SEMA3E: variants seen among roughly 807,000 people sequenced by gnomAD.
SEMA3E encodes the protein semaphorin 3E.
In SEMA3E, 49 loss-of-function variants were observed where a neutral mutation model predicts 93.6. The observed-to-expected ratio is 0.52, with a 90% CI of 0.42 to 0.66. The LOEUF is 0.66. Ranked by LOEUF, SEMA3E falls within the 30% of genes least tolerant of loss-of-function variation. The probability of loss-of-function intolerance (pLI) is 0.00; values close to 1 mark genes in which losing one functional copy is unlikely to be tolerated. For synonymous variants in SEMA3E, 363 were observed against 330.7 expected, an observed-to-expected ratio of 1.10 and a Z score of -1.06; for missense variants, 906 against 964.8, an observed-to-expected ratio of 0.94 and a Z score of 0.81.
At position 83,544,806 on chromosome 7, in the gene SEMA3E, C is replaced by CA. The variant is rs1357700372; in HGVS notation, c.116-54533dup. Among the ~76,000 whole-genome samples the CA allele has an allele frequency of 8.0e-4, 121 of 152,078 alleles. 1 individual carries two copies. In the East Asian group the frequency reaches 0.021, roughly 27 times the overall value. ...CTGTAGTTTCATATTGTTTCCATCT[C>CA]ATCTAGGTGGGACCCTTTATGCCAC... is the stretch of plus-strand genomic sequence containing the variant. On this transcript the variant is annotated intron_variant, in intron 1 of 16. Transcript: ENST00000643230.
intron 5 of SEMA3E, among the ~76,000 whole-genome samples, chr7:83,415,260 T>C (rs2723029): frequency 0.53 from 81,207 of 151,954 alleles, 23,491 homozygotes; most frequent in East Asian, 0.84. Flanking sequence ...CCTCAGACAG[T>C]TACTTAAAAC....
At chr7:83,390,132 C>T (rs1429256634) in intron 14 of SEMA3E, among the ~76,000 whole-genome samples, 2 of 47,128 alleles carry the variant, frequency 4.2e-5, no homozygotes, top group African/African-American at 7.8e-5. Flanking sequence ...TATACGTGTG[C>T]ACATATATGC....
chr7:83,426,491 G>A (rs1377682944), intron 4 of SEMA3E, among the ~76,000 whole-genome samples: 1 of 152,134 alleles, frequency 6.6e-6, no homozygotes, highest in Non-Finnish European at 1.5e-5. Flanking sequence ...AATGTCACAT[G>A]TTCTCACTTA....
chr7:83,567,346 C>T (rs1339703879), intron 1 of SEMA3E, among the ~76,000 whole-genome samples: 1 of 152,090 alleles, frequency 6.6e-6, no homozygotes, highest in Non-Finnish European at 1.5e-5. Context: ...CTTAGACAGA[C>T]TATTTAGACA....
intron 1 of SEMA3E, among the ~76,000 whole-genome samples, chr7:83,628,823 C>T (rs527315457): frequency 1.3e-5 from 2 of 152,136 alleles, no homozygotes; most frequent in African/African-American, 4.8e-5. Context: ...TTTTTCTTCC[C>T]TTGCTGGCGA....
chr7:83,365,047 G>A lies in SEMA3E; in HGVS notation c.*2539C>T, dbSNP rs1484801942. 1 of 152,040 alleles carries A rather than the reference G, an allele frequency of 6.6e-6. No homozygotes were observed. The highest frequency in any genetic ancestry group is 1.5e-5 in the Non-Finnish European group (1 of 68,018). 9.4% of individuals were successfully genotyped at this position (152,040 alleles called of 1,614,324 possible). On this transcript the variant is annotated 3_prime_UTR_variant, in exon 17 of 17. Coordinates refer to ENST00000643230, the MANE Select transcript of SEMA3E (RefSeq NM_012431.3). Reference sequence around the variant, plus strand: ...CAAAAGACTGGGGATGTATTTTTGTGGTATGTTTTAGATTCTCAAGAAGGA... The same window carrying A: ...CAAAAGACTGGGGATGTATTTTTGTAGTATGTTTTAGATTCTCAAGAAGGA...
At chr7:83,482,035 G>C (rs1277803539) in intron 2 of SEMA3E, among the ~76,000 whole-genome samples, 1 of 152,058 alleles carries the variant, frequency 6.6e-6, no homozygotes, top group African/African-American at 2.4e-5. Context: ...CAGTTTAGAG[G>C]TAGAGCCTAA....
At position 83,365,125 on chromosome 7, in the gene SEMA3E, T is replaced by C. The variant is rs1461868853; in HGVS notation, c.*2461A>G. 1.3e-5 allele frequency: 2 copies of C among 151,988 alleles called. No individual in the cohort carries two copies. The highest frequency in any genetic ancestry group is 4.8e-5 in the African/African-American group (2 of 41,338). 9.4% of individuals were successfully genotyped at this position (151,988 alleles called of 1,614,324 possible). A position where few individuals can be genotyped will look rare whatever the true frequency, so the allele number is the denominator to read the frequency against. On this transcript the variant is annotated 3_prime_UTR_variant, in exon 17 of 17. Transcript: ENST00000643230. The stretch of plus-strand genomic sequence containing the variant: ...ATTTTGATAGGGCAGTGAAGATTTA[T>C]TTTATAGTATGTGAGGGGTGTGTGT...
At chr7:83,592,530 A>G (rs1241647503) in intron 1 of SEMA3E, among the ~76,000 whole-genome samples, 4 of 152,204 alleles carry the variant, frequency 2.6e-5, no homozygotes, top group Admixed American at 6.5e-5. Flanking sequence ...AACATTTTCA[A>G]ACACCACAGT....
chr7:83,402,700 G>C lies in SEMA3E; in HGVS notation c.1075C>G (p.His359Asp), dbSNP rs1378507372. The C allele has an allele frequency of 4.3e-6, 7 of 1,612,820 alleles. No homozygotes were observed. Among genetic ancestry groups the C allele is most frequent in the Non-Finnish European group, 5.1e-6 (6 of 1,179,202 alleles). Residue 359 changes from histidine (H) to aspartate (D), a missense_variant, in exon 10 of 17, where the codon CAT becomes GAT. Physicochemically the swap from His to Asp is moderately conservative, Grantham distance 81 (BLOSUM62 -1). Transcript: ENST00000643230. The stretch of plus-strand genomic sequence containing the variant: ...CAGTGGTATTCAGGTCCTTCCTTAT[G>C]TGCATATGGTCCGTTGAAGGCTGCC... ...IRAAFNGPYA[H>D]KEGPEYHWSV...
At chr7:83,603,374 G>A (rs977674471) in intron 1 of SEMA3E, among the ~76,000 whole-genome samples, 1 of 152,114 alleles carries the variant, frequency 6.6e-6, no homozygotes, top group Admixed American at 6.5e-5. Flanking sequence ...CTGAAACTTT[G>A]TGACAGGTCC....
chr7:83,527,079 A>C (rs1791176247), intron 1 of SEMA3E, among the ~76,000 whole-genome samples: 1 of 152,086 alleles, frequency 6.6e-6, no homozygotes, highest in Non-Finnish European at 1.5e-5. Context: ...TTGGATATAG[A>C]GGTGTGGGGA....
chr7:83,602,701 C>G (rs1793023020), intron 1 of SEMA3E, among the ~76,000 whole-genome samples: 1 of 152,140 alleles, frequency 6.6e-6, no homozygotes, highest in Non-Finnish European at 1.5e-5. Flanking sequence ...TGGTCTCCAT[C>G]TCTTGACCTT....
chr7:83,367,781 C>T lies in SEMA3E; in HGVS notation c.2133G>A (p.Lys711=). ...TATAACCGATCAGCTGCAAGAATTC[C>T]TTGTACCATGGTTTTGCTCCCTGCG... ...SISQGAKPWY[K]EFLQLIGYSN... Residue 711 remains lysine (K), a synonymous_variant, in exon 17 of 17, where the codon AAG becomes AAA. Coordinates refer to ENST00000643230, the MANE Select transcript of SEMA3E (RefSeq NM_012431.3). The T allele has an allele frequency of 1.9e-6, 3 of 1,614,098 alleles. No individual in the cohort carries two copies. Among genetic ancestry groups the T allele is most frequent in the Non-Finnish European group, 2.5e-6 (3 of 1,180,014 alleles).
chr7:83,615,261 A>C (rs1793340643), intron 1 of SEMA3E, among the ~76,000 whole-genome samples: 1 of 152,148 alleles, frequency 6.6e-6, no homozygotes, highest in Non-Finnish European at 1.5e-5. Flanking sequence ...TGGAGATTTG[A>C]TTCCTCCAAA....
intron 1 of SEMA3E, among the ~76,000 whole-genome samples, chr7:83,528,513 T>C (rs1791217105): frequency 6.6e-6 from 1 of 152,124 alleles, no homozygotes; most frequent in Non-Finnish European, 1.5e-5. Flanking sequence ...TTGGCATAGA[T>C]AAGTAATATT....
At chr7:83,368,308 T>TA (rs1008406797) in intron 16 of SEMA3E, among the ~76,000 whole-genome samples, 2 of 151,746 alleles carry the variant, frequency 1.3e-5, no homozygotes, top group African/African-American at 4.9e-5. Context: ...ATCAATACTG[T>TA]AAAGTAAGAG....
intron 4 of SEMA3E, among the ~76,000 whole-genome samples, chr7:83,461,630 C>T (rs1241624116): frequency 6.6e-6 from 1 of 152,066 alleles, no homozygotes; most frequent in African/African-American, 2.4e-5. Flanking sequence ...TTGGCAGCAA[C>T]CCTGAGACAC....
At chr7:83,395,602 T>G (rs1788104331) in intron 12 of SEMA3E, among the ~76,000 whole-genome samples, 1 of 152,160 alleles carries the variant, frequency 6.6e-6, no homozygotes, top group Non-Finnish European at 1.5e-5. Flanking sequence ...TGTTTCAGCT[T>G]TCATAGTGTA....
Sources: allele counts gnomAD v4.1 joint callset (sites outside exome capture counted in the v4.1 genomes callset), GRCh38; gene constraint gnomAD v4.1.1; transcripts MANE v1.5; gene names NCBI Gene and HGNC (gene_info 2026-07-23, HGNC 2026-07-21).